TMX3: variants seen among roughly 807,000 people sequenced by gnomAD.
The protein encoded by TMX3 is protein disulfide-isomerase TMX3.
Under a neutral mutation model 64.4 loss-of-function variants are expected in TMX3, and 40 were observed. That is an observed-to-expected ratio of 0.62 (90% CI 0.48 to 0.81). TMX3 has a LOEUF of 0.81. Ranked by LOEUF, TMX3 falls within the 30% of genes least tolerant of loss-of-function variation. TMX3 has a pLI of 0.00. For synonymous variants in TMX3, 189 were observed against 175.7 expected (o/e 1.08, Z -0.60); for missense variants, 497 against 534.5 (o/e 0.93, Z 0.69).
At position 68,674,763 on chromosome 18, in the gene TMX3, G is replaced by A. The variant is rs1333479869; in HGVS notation, c.*2170C>T. 2 of 151,922 alleles carry A rather than the reference G, an allele frequency of 1.3e-5. No homozygotes were observed. Among genetic ancestry groups the A allele is most frequent in the Non-Finnish European group, 2.9e-5 (2 of 67,918 alleles). 9.4% of individuals were successfully genotyped at this position (151,922 alleles called of 1,614,324 possible). A position where few individuals can be genotyped will look rare whatever the true frequency, so the allele number is the denominator to read the frequency against. On this transcript the variant is annotated 3_prime_UTR_variant, in exon 16 of 16. Transcript: ENST00000299608. ...AAAAAACAAAATTTTAATACAAGAA[G>A]AAATAAAAATTATTCACTTACAAAC...
At chr18:68,712,850 G>A (rs1283293298) in intron 2 of TMX3, among the ~76,000 whole-genome samples, 1 of 152,048 alleles carries the variant, frequency 6.6e-6, no homozygotes, top group African/African-American at 2.4e-5. Context: ...CAGGATTTTT[G>A]CTCTTACAGA....
At chr18:68,701,572 G>A (rs765457430) in intron 5 of TMX3, 173 bp downstream of exon 5, 24 of 1,450,412 alleles carry the variant, frequency 1.7e-5, no homozygotes, top group East Asian at 1.3e-4. Flanking sequence ...GCTTAAATAC[G>A]AAGAAAAGCA....
rs201803798 is a variant in TMX3 at position 68,708,057 on chromosome 18, GTATA to G, written c.265+1960_265+1963del. On this transcript the variant is annotated intron_variant, in intron 4 of 15. Coordinates refer to ENST00000299608, the MANE Select transcript of TMX3 (RefSeq NM_019022.5). ...TGTGTATATATGTGTATATATATGT[GTATA>G]TATATGTGTATATGTGTATATATAT... Among the ~76,000 whole-genome samples the G allele has an allele frequency of 2.3e-3, 351 of 149,954 alleles. 1 individual carries two copies. Among genetic ancestry groups the G allele is most frequent in the African/African-American group, 8.5e-3 (342 of 40,286 alleles).
chr18:68,675,781 T>G lies in TMX3; in HGVS notation c.*1152A>C, dbSNP rs1199999593. 2.0e-5 allele frequency: 3 copies of G among 152,212 alleles called. No individual in the cohort carries two copies. Among genetic ancestry groups the G allele is most frequent in the Non-Finnish European group, 4.4e-5 (3 of 68,032 alleles). The allele number at this position is 152,212 out of a possible 1,614,324, so 9.4% of individuals were successfully genotyped here. Reference sequence around the variant, plus strand: ...TAGACATTGCTTTGGAAAGAATTCCTGTATTAGTTTATAGAAGATGAGAGG... The same window carrying G: ...TAGACATTGCTTTGGAAAGAATTCCGGTATTAGTTTATAGAAGATGAGAGG... On this transcript the variant is annotated 3_prime_UTR_variant, in exon 16 of 16. Transcript: ENST00000299608.
In TMX3 at chr18:68,675,111, T is replaced by G. The variant is rs1309442493; in HGVS notation, c.*1822A>C. On this transcript the variant is annotated 3_prime_UTR_variant, in exon 16 of 16. Transcript: ENST00000299608. The stretch of plus-strand genomic sequence containing the variant: ...TGTCACTGACTGCTAAGTTTTCACT[T>G]CCTTACTAGGCTGAGTTTCAAATGA... The G allele has an allele frequency of 2.0e-5, 3 of 152,160 alleles. No individual in the cohort carries two copies. Among genetic ancestry groups the G allele is most frequent in the Non-Finnish European group, 2.9e-5 (2 of 68,000 alleles). 9.4% of individuals were successfully genotyped at this position (152,160 alleles called of 1,614,324 possible). A position where few individuals can be genotyped will look rare whatever the true frequency, so the allele number is the denominator to read the frequency against.
At position 68,673,864 on chromosome 18, in the gene TMX3, T is replaced by C. The variant is rs555528912; in HGVS notation, c.*3069A>G. On this transcript the variant is annotated 3_prime_UTR_variant, in exon 16 of 16. Coordinates refer to ENST00000299608, the MANE Select transcript of TMX3 (RefSeq NM_019022.5). ...TGGACTCAGACACATTCAGAAAAAATATATATTTATAAAAATAAAATGTCA... is the reference window on the plus strand; with the variant it reads ...TGGACTCAGACACATTCAGAAAAAACATATATTTATAAAAATAAAATGTCA... The C allele has an allele frequency of 1.3e-5, 2 of 152,128 alleles. No individual in the cohort carries two copies. Among genetic ancestry groups the C allele is most frequent in the East Asian group, 3.9e-4 (2 of 5,180 alleles). The allele number at this position is 152,128 out of a possible 1,614,324, so 9.4% of individuals were successfully genotyped here.
intron 9 of TMX3, chr18:68,690,946 G>T (rs374360899): frequency 4.5e-6 from 1 of 222,144 alleles, no homozygotes; most frequent in East Asian, 9.2e-5. Context: ...TATTGAACAC[G>T]TGTTATTTCT....
intron 5 of TMX3, 126 bp from the exon 6 acceptor site, chr18:68,700,611 G>A (rs12959972): frequency 2.2e-5 from 23 of 1,022,244 alleles, no homozygotes; most frequent in Non-Finnish European, 3.0e-5. Context: ...AGTTTTAGAA[G>A]TAGCTCTCAT....
intron 9 of TMX3, among the ~76,000 whole-genome samples, chr18:68,690,158 T>G (rs1914375987): frequency 6.6e-6 from 1 of 152,126 alleles, no homozygotes; most frequent in Non-Finnish European, 1.5e-5. Flanking sequence ...ACTCTACTGC[T>G]CTCATCTAGT....
chr18:68,693,904 G>A (rs1380935643), intron 8 of TMX3, among the ~76,000 whole-genome samples: 1 of 152,060 alleles, frequency 6.6e-6, no homozygotes, highest in Non-Finnish European at 1.5e-5. Flanking sequence ...GGCCACCCAT[G>A]GACCATTCAG....
At chr18:68,681,271 A>G (rs1913408504) in intron 13 of TMX3, 161 bp from the exon 14 acceptor site, 1 of 636,616 alleles carries the variant, frequency 1.6e-6, no homozygotes, top group Non-Finnish European at 2.3e-6. Context: ...ATTTACGTGT[A>G]TTTTATGCAT....
At chr18:68,709,786 T>A (rs765757918) in intron 4 of TMX3, among the ~76,000 whole-genome samples, 1 of 151,374 alleles carries the variant, frequency 6.6e-6, no homozygotes, top group East Asian at 1.9e-4. Flanking sequence ...CCATCTGAAG[T>A]GGGCTCAAAG....
chr18:68,709,799 G>A (rs924335172), intron 4 of TMX3, among the ~76,000 whole-genome samples: 4 of 151,196 alleles, frequency 2.6e-5, no homozygotes, highest in Non-Finnish European at 5.9e-5. Context: ...GCTCAAAGGA[G>A]AAAGGATGGT....
chr18:68,697,357 T>C, intron 7 of TMX3, 54 bp from the exon 8 acceptor site: 2 of 991,680 alleles, frequency 2.0e-6, no homozygotes, highest in Non-Finnish European at 3.0e-6. Flanking sequence ...AGGCCAAAAT[T>C]CATTCCTCAT....
At chr18:68,710,839 G>T (rs1317829817) in intron 3 of TMX3, among the ~76,000 whole-genome samples, 3 of 152,160 alleles carry the variant, frequency 2.0e-5, no homozygotes, top group Non-Finnish European at 4.4e-5. Context: ...TGTCAACTCT[G>T]CCATTCTTTT....
Position 68,714,792 on chromosome 18 carries a change from G to T in TMX3, c.46+144C>A, listed in dbSNP as rs928341076. 5.2e-6 allele frequency: 6 copies of T among 1,158,256 alleles called. No individual in the cohort carries two copies. The African/African-American group carries it at 8.2e-5, about 16-fold the overall frequency. 71.7% of individuals were successfully genotyped at this position (1,158,256 alleles called of 1,614,324 possible). On this transcript the variant is annotated intron_variant, in intron 1 of 15. Transcript: ENST00000299608. ...TCAGGGCCAGGCAGGGTGGCGCGGCGGGGGCGGCAGGACGCTGCCGGGAAT... is the reference window on the plus strand; with the variant it reads ...TCAGGGCCAGGCAGGGTGGCGCGGCTGGGGCGGCAGGACGCTGCCGGGAAT...
intron 12 of TMX3, 64 bp from the exon 13 acceptor site, chr18:68,683,045 A>AGAGAG: frequency 7.0e-7 from 1 of 1,424,816 alleles, no homozygotes; most frequent in Non-Finnish European, 9.8e-7. Flanking sequence ...AGAGAGAGAG[A>AGAGAG]AAGCTCATTA....
intron 4 of TMX3, among the ~76,000 whole-genome samples, chr18:68,707,972 CATATATGTGTATGTGTATATATGTGTAT>C (rs1568203135): frequency 7.0e-5 from 10 of 142,864 alleles, no homozygotes; most frequent in African/African-American, 2.6e-4. Context: ...TATATGTGTA[CATATATGTGTATGTGTATATATGTGTAT>C]ATATATGTGT....
At position 68,715,070 on chromosome 18, in the gene TMX3, G is replaced by C; in HGVS notation, c.-89C>G. The C allele has an allele frequency of 6.5e-7, 1 of 1,543,912 alleles. No homozygotes were observed. The highest frequency in any genetic ancestry group is 8.7e-7 in the Non-Finnish European group (1 of 1,143,304). ...CGCCTGCCCGCCCGGAAAGGGAAAC[G>C]GAGCCGACCCGGAGCGGAAGAGAAG... On this transcript the variant is annotated 5_prime_UTR_variant, in exon 1 of 16. Coordinates refer to ENST00000299608, the MANE Select transcript of TMX3 (RefSeq NM_019022.5).
Sources: allele counts gnomAD v4.1 joint callset (sites outside exome capture counted in the v4.1 genomes callset), GRCh38; gene constraint gnomAD v4.1.1; transcripts MANE v1.5; gene names NCBI Gene and HGNC (gene_info 2026-07-23, HGNC 2026-07-21).